The following LDAH variants were observed in gnomAD, a reference collection of about 807,000 sequenced individuals.
The protein encoded by LDAH is lipid droplet associated hydrolase.
A neutral mutation model predicts 29.6 loss-of-function variants in LDAH; 26 were observed. The observed-to-expected ratio is 0.88, with a 90% confidence interval of 0.64 to 1.22. The LOEUF (loss-of-function observed/expected upper bound fraction) is 1.22, where lower values mean the gene tolerates loss of function less well. Among genes scored for constraint, LDAH ranks in the 50% most tolerant of loss-of-function variants. The pLI, the probability that LDAH is intolerant of heterozygous loss-of-function variation, is 0.00. For missense variants in LDAH, 344 were observed against 387.3 expected, an observed-to-expected ratio of 0.89 and a Z score of 0.94; for synonymous variants, 117 against 133.0, an observed-to-expected ratio of 0.88 and a Z score of 0.83.
At chr2:20,789,590 A>C (rs1263798291) in intron 3 of LDAH, among the ~76,000 whole-genome samples, 2 of 152,174 alleles carry the variant, frequency 1.3e-5, no homozygotes, top group Non-Finnish European at 2.9e-5. Flanking sequence ...GCCACGGTTT[A>C]TCACTTAATT....
At chr2:20,717,872 G>C (rs1665336452) in intron 5 of LDAH, among the ~76,000 whole-genome samples, 1 of 152,098 alleles carries the variant, frequency 6.6e-6, no homozygotes, top group African/African-American at 2.4e-5. Flanking sequence ...CTGCAGCCTT[G>C]ACCTGCTGGG....
At chr2:20,774,593 T>G (rs1422540262) in intron 4 of LDAH, among the ~76,000 whole-genome samples, 4 of 152,246 alleles carry the variant, frequency 2.6e-5, no homozygotes, top group South Asian at 2.1e-4. Flanking sequence ...TTTCAGAAAC[T>G]TCTTATCTCC....
chr2:20,709,783 T>C (rs1049805475), intron 5 of LDAH, among the ~76,000 whole-genome samples: 1 of 152,056 alleles, frequency 6.6e-6, no homozygotes, highest in Non-Finnish European at 1.5e-5. Context: ...AGACAAAACA[T>C]GGTAAAGTCA....
chr2:20,742,499 A>G (rs1365871055), intron 4 of LDAH, among the ~76,000 whole-genome samples: 2 of 152,330 alleles, frequency 1.3e-5, no homozygotes, highest in East Asian at 1.9e-4. Flanking sequence ...ACATGCATGT[A>G]AAGGACTGTT....
chr2:20,794,069 T>G (rs1201994978), intron 2 of LDAH, among the ~76,000 whole-genome samples: 1 of 149,176 alleles, frequency 6.7e-6, no homozygotes, highest in African/African-American at 2.6e-5. Context: ...TTTCATGGAC[T>G]CACAGTTCCA....
At chr2:20,688,579 C>A (rs188429712) in intron 6 of LDAH, among the ~76,000 whole-genome samples, 10 of 152,168 alleles carry the variant, frequency 6.6e-5, no homozygotes, top group South Asian at 2.1e-4. Flanking sequence ...GGGAAGCAGG[C>A]GTTATTGCTC....
intron 1 of LDAH, among the ~76,000 whole-genome samples, chr2:20,815,221 G>A (rs1163588828): frequency 1.3e-5 from 2 of 152,068 alleles, no homozygotes; most frequent in Non-Finnish European, 2.9e-5. Context: ...CTTGAAAACA[G>A]ATCAACAGAA....
rs1462665351 is a variant in LDAH at position 20,789,446 on chromosome 2, A to G, written c.298+809T>C. The G allele has an allele frequency of 4.9e-6, 7 of 1,431,916 alleles. No individual in the cohort carries two copies. The African/African-American group carries it at 1.0e-4, about 21-fold the overall frequency. 88.7% of individuals were successfully genotyped at this position (1,431,916 alleles called of 1,614,324 possible). A position where few individuals can be genotyped will look rare whatever the true frequency, so the allele number is the denominator to read the frequency against. ...ATGAGAAATCAATTTCCATTTTTAA[A>G]AGCTACTTAGTCTATGGTATTTTGC... On this transcript the variant is annotated intron_variant, in intron 3 of 6. Transcript: ENST00000237822.
chr2:20,786,901 T>G (rs772147540), intron 3 of LDAH, among the ~76,000 whole-genome samples: 3 of 152,214 alleles, frequency 2.0e-5, no homozygotes, highest in Non-Finnish European at 4.4e-5. Context: ...GCCATGTTAT[T>G]GAGAATATTC....
chr2:20,765,532 A>G (rs147628944), intron 4 of LDAH, among the ~76,000 whole-genome samples: 2 of 152,352 alleles, frequency 1.3e-5, no homozygotes, highest in East Asian at 3.9e-4. Context: ...ATGGTTTAAA[A>G]TCACAATGAT....
intron 4 of LDAH, among the ~76,000 whole-genome samples, chr2:20,765,571 G>T (rs1435036999): frequency 6.6e-6 from 1 of 152,152 alleles, no homozygotes; most frequent in Non-Finnish European, 1.5e-5. Context: ...TGTGGGTCAG[G>T]AATTCAAATA....
chr2:20,789,411 T>TGCA, intron 3 of LDAH: 1 of 1,450,100 alleles, frequency 6.9e-7, no homozygotes, highest in Non-Finnish European at 9.1e-7. Context: ...ACGTCCAGTC[T>TGCA]CAAGAAACTA....
At chr2:20,709,948 G>C (rs957994394) in intron 5 of LDAH, among the ~76,000 whole-genome samples, 2 of 152,136 alleles carry the variant, frequency 1.3e-5, no homozygotes, top group African/African-American at 4.8e-5. Flanking sequence ...TAGTTAGAGA[G>C]AAATTTATAA....
chr2:20,795,305 C>T (rs182283177), intron 2 of LDAH, among the ~76,000 whole-genome samples: 190 of 152,224 alleles, frequency 1.2e-3, no homozygotes, highest in African/African-American at 3.7e-3. Context: ...GGGAGAGGAA[C>T]GAAAACTGCC....
chr2:20,765,992 T>C (rs907603425), intron 4 of LDAH, among the ~76,000 whole-genome samples: 1 of 152,122 alleles, frequency 6.6e-6, no homozygotes, highest in Non-Finnish European at 1.5e-5. Flanking sequence ...TAATCCTCCA[T>C]ATATCTACCC....
intron 6 of LDAH, among the ~76,000 whole-genome samples, chr2:20,699,455 G>A (rs1663756142): frequency 6.6e-6 from 1 of 152,052 alleles, no homozygotes; most frequent in African/African-American, 2.4e-5. Context: ...ATTACAGCAT[G>A]TTTCCTCTTT....
intron 5 of LDAH, among the ~76,000 whole-genome samples, chr2:20,709,901 C>T (rs550502746): frequency 6.6e-6 from 1 of 152,214 alleles, no homozygotes; most frequent in East Asian, 1.9e-4. Context: ...AAGTCACACT[C>T]CAAGATATCA....
At chr2:20,751,071 G>A (rs772482717) in intron 4 of LDAH, among the ~76,000 whole-genome samples, 2 of 152,196 alleles carry the variant, frequency 1.3e-5, no homozygotes, top group Non-Finnish European at 2.9e-5. Flanking sequence ...CACAGGATCT[G>A]TATCGCAAAC....
chr2:20,703,461 C>T (rs910913010), intron 5 of LDAH, among the ~76,000 whole-genome samples: 4 of 152,280 alleles, frequency 2.6e-5, no homozygotes, highest in East Asian at 3.9e-4. Flanking sequence ...TTCCTTCCTG[C>T]CATCTTCTCA....
Sources: allele counts gnomAD v4.1 joint callset (sites outside exome capture counted in the v4.1 genomes callset), GRCh38; gene constraint gnomAD v4.1.1; transcripts MANE v1.5; gene names NCBI Gene and HGNC (gene_info 2026-07-23, HGNC 2026-07-21).